The following MAPKAP1 variants were observed in gnomAD, a reference collection of about 807,000 sequenced individuals.
MAPKAP1 encodes MAPK associated protein 1.
A neutral mutation model predicts 65.7 loss-of-function variants in MAPKAP1; 20 were observed. The observed-to-expected ratio is 0.30, with a 90% CI of 0.21 to 0.44. The LOEUF (loss-of-function observed/expected upper bound fraction) is 0.44. Among genes scored for constraint, MAPKAP1 ranks in the 20% least tolerant of loss-of-function variants. MAPKAP1 has a pLI of 1.00. For synonymous variants in MAPKAP1, 222 were observed against 244.3 expected (o/e 0.91, Z 0.85); for missense variants, 423 against 648.0 (o/e 0.65, Z 3.77).
intron 9 of MAPKAP1, among the ~76,000 whole-genome samples, chr9:125,477,745 C>T (rs890546347): frequency 3.9e-5 from 6 of 152,142 alleles, no homozygotes; most frequent in Non-Finnish European, 7.3e-5. Context: ...CCGCTTGACC[C>T]GTTCTGTTTC....
intron 4 of MAPKAP1, among the ~76,000 whole-genome samples, chr9:125,604,471 C>A: frequency 6.6e-6 from 1 of 152,208 alleles, no homozygotes; most frequent in East Asian, 1.9e-4. Flanking sequence ...TCCAGCTCCC[C>A]TTCTACCAGA....
At chr9:125,698,299 ATATATAT>A (rs1835473706) in intron 1 of MAPKAP1, among the ~76,000 whole-genome samples, 5 of 13,368 alleles carry the variant, frequency 3.7e-4, no homozygotes, top group Admixed American at 1.6e-3. Context: ...ATATATATAT[ATATATAT>A]ATATATATAT....
chr9:125,536,504 ATTC>A (rs1434718735), intron 7 of MAPKAP1, among the ~76,000 whole-genome samples: 3 of 152,198 alleles, frequency 2.0e-5, no homozygotes, highest in Non-Finnish European at 2.9e-5. Context: ...ATGATTACTT[ATTC>A]TTCCATAAGG....
At chr9:125,445,152 G>T (rs2900227) in intron 10 of MAPKAP1, among the ~76,000 whole-genome samples, 1 of 151,760 alleles carries the variant, frequency 6.6e-6, no homozygotes, top group African/African-American at 2.4e-5. Flanking sequence ...GGGCGGGGGG[G>T]GCACCATGGA....
intron 3 of MAPKAP1, among the ~76,000 whole-genome samples, chr9:125,662,465 C>T (rs556391332): frequency 1.2e-4 from 19 of 152,192 alleles, no homozygotes; most frequent in Non-Finnish European, 2.8e-4. Flanking sequence ...GGGTGGATCA[C>T]GAGGTCAGAA....
At chr9:125,516,896 T>C (rs1234429540) in intron 7 of MAPKAP1, among the ~76,000 whole-genome samples, 6 of 152,146 alleles carry the variant, frequency 3.9e-5, no homozygotes, top group Non-Finnish European at 8.8e-5. Flanking sequence ...TGAAAACAAG[T>C]CAAATATTGC....
chr9:125,667,697 C>T (rs1307905780), intron 3 of MAPKAP1, among the ~76,000 whole-genome samples: 1 of 152,112 alleles, frequency 6.6e-6, no homozygotes, highest in African/African-American at 2.4e-5. Context: ...CAGGTGTGAG[C>T]CACAGTGCCT....
chr9:125,479,568 G>A (rs1370671268), intron 9 of MAPKAP1, among the ~76,000 whole-genome samples: 3 of 145,296 alleles, frequency 2.1e-5, no homozygotes, highest in Non-Finnish European at 4.5e-5. Flanking sequence ...CAACAAGAGC[G>A]AAACTCCATC....
chr9:125,490,560 A>C (rs1564529207), intron 8 of MAPKAP1, among the ~76,000 whole-genome samples: 4 of 152,040 alleles, frequency 2.6e-5, no homozygotes, highest in African/African-American at 4.8e-5. Flanking sequence ...ACAAAACAAA[A>C]CAAACCAACA....
chr9:125,459,862 G>A (rs1392820503), intron 10 of MAPKAP1, among the ~76,000 whole-genome samples: 1 of 146,994 alleles, frequency 6.8e-6, no homozygotes, highest in African/African-American at 2.5e-5. Flanking sequence ...GTGGGGAGAG[G>A]GAGAGGGAGA....
In MAPKAP1 at chr9:125,638,734, A is replaced by G. The variant is rs4361847; in HGVS notation, c.498+18917T>C. On this transcript the variant is annotated intron_variant, in intron 4 of 11. Coordinates refer to ENST00000265960, the MANE Select transcript of MAPKAP1 (RefSeq NM_001006617.3). ...CCTTTAAGACTGCAGCACATAAAGCATTCTGTCATCAGGAGAATAGTGCAC... is the reference window on the plus strand; with the variant it reads ...CCTTTAAGACTGCAGCACATAAAGCGTTCTGTCATCAGGAGAATAGTGCAC... Among the ~76,000 whole-genome samples, 145 of 152,352 alleles carry G rather than the reference A, an allele frequency of 9.5e-4. 1 individual carries two copies. The highest frequency in any genetic ancestry group is 1.4e-3 in the Non-Finnish European group (97 of 68,036).
intron 1 of MAPKAP1, among the ~76,000 whole-genome samples, chr9:125,682,312 C>A (rs367729717): frequency 6.6e-6 from 1 of 152,270 alleles, no homozygotes; most frequent in East Asian, 1.9e-4. Flanking sequence ...AAATTTTACT[C>A]AAAAGATGTT....
At chr9:125,651,624 A>C (rs1434190295) in intron 4 of MAPKAP1, among the ~76,000 whole-genome samples, 1 of 152,132 alleles carries the variant, frequency 6.6e-6, no homozygotes, top group Non-Finnish European at 1.5e-5. Context: ...AAAACAAAAC[A>C]AAAGTATGTA....
intron 10 of MAPKAP1, among the ~76,000 whole-genome samples, chr9:125,456,735 A>G (rs1589207044): frequency 6.6e-6 from 1 of 152,156 alleles, no homozygotes; most frequent in Non-Finnish European, 1.5e-5. Flanking sequence ...CGACTCAGTG[A>G]GCTTGGAAGA....
chr9:125,591,400 C>T (rs1459889891), intron 4 of MAPKAP1, among the ~76,000 whole-genome samples: 5 of 152,102 alleles, frequency 3.3e-5, no homozygotes, highest in Non-Finnish European at 7.3e-5. Context: ...AGGGCAGTCA[C>T]CACTGTTTAG....
intron 6 of MAPKAP1, among the ~76,000 whole-genome samples, chr9:125,547,647 C>G (rs1474922380): frequency 6.6e-6 from 1 of 152,160 alleles, no homozygotes; most frequent in Non-Finnish European, 1.5e-5. Flanking sequence ...TAAGCAGAGA[C>G]TGCTTATCGG....
intron 4 of MAPKAP1, among the ~76,000 whole-genome samples, chr9:125,623,093 C>T (rs1156581673): frequency 6.7e-6 from 1 of 149,450 alleles, no homozygotes; most frequent in Non-Finnish European, 1.5e-5. Context: ...CTCGTTCACT[C>T]AGTGCTCAAT....
chr9:125,561,029 A>G (rs1830878196), intron 5 of MAPKAP1, among the ~76,000 whole-genome samples: 1 of 152,234 alleles, frequency 6.6e-6, no homozygotes, highest in African/African-American at 2.4e-5. Context: ...GCAGGAACCC[A>G]ATAGCTCACA....
At chr9:125,587,497 CAG>C (rs1831824197) in intron 4 of MAPKAP1, among the ~76,000 whole-genome samples, 1 of 152,144 alleles carries the variant, frequency 6.6e-6, no homozygotes, top group African/African-American at 2.4e-5. Flanking sequence ...ACCCAGAAGG[CAG>C]ATGTTGCAAT....
Sources: allele counts gnomAD v4.1 joint callset (sites outside exome capture counted in the v4.1 genomes callset), GRCh38; gene constraint gnomAD v4.1.1; transcripts MANE v1.5; gene names NCBI Gene and HGNC (gene_info 2026-07-23, HGNC 2026-07-21).